POLRMT: variants seen among roughly 807,000 people sequenced by gnomAD.
POLRMT encodes the protein RNA polymerase mitochondrial.
Under a neutral mutation model 132.2 loss-of-function variants are expected in POLRMT, and 114 were observed. The ratio of observed to expected loss-of-function variants is 0.86; its 90% CI spans 0.74 to 1.01. The LOEUF (loss-of-function observed/expected upper bound fraction) is 1.01. POLRMT is among the 50% of genes least tolerant of loss of function. The pLI is 0.00. For synonymous variants in POLRMT, 1,020 were observed against 773.4 expected (o/e 1.32, Z -5.29); for missense variants, 2,003 against 1,729.1 (o/e 1.16, Z -2.81).
chr19:617,438 C>T lies in POLRMT; in HGVS notation c.3624G>A (p.Leu1208=), dbSNP rs376410754. The change falls in exon 20 of 21, where the codon CTG becomes CTA. Residue 1208 remains leucine (L), a synonymous_variant. Transcript: ENST00000588649. Reference sequence around the variant, plus strand: ...GCCTACCTGGCTTGGGCACCGCCTGCAGTGTCTCCTTCAGCTGGCTGGCCT... The same window carrying T: ...GCCTACCTGGCTTGGGCACCGCCTGTAGTGTCTCCTTCAGCTGGCTGGCCT... ...ILEASQLKET[L]QAVPKPGAFD... 6 of 1,611,990 alleles carry T rather than the reference C, an allele frequency of 3.7e-6. No individual in the cohort carries two copies. Among genetic ancestry groups the T allele is most frequent in the South Asian group, 1.1e-5 (1 of 91,048 alleles).
intron 13 of POLRMT, 118 bp downstream of exon 13, chr19:619,468 C>G: frequency 7.0e-7 from 1 of 1,429,592 alleles, no homozygotes; most frequent in Non-Finnish European, 9.6e-7. Context: ...TAACAGGCAG[C>G]CAGTGGTCTG....
rs201030569 is a variant in POLRMT, at chr19:618,710, G to A, written c.3318C>T (p.Ile1106=). Residue 1106 remains isoleucine, a synonymous_variant, in exon 16 of 21, where the codon ATC becomes ATT. Transcript: ENST00000588649. ...AGCCCGGGCCCCCCACTCACCGGCTGATGTCTCCGTTGTGGGTGTAGGTGA... is the reference window on the plus strand; with the variant it reads ...AGCCCGGGCCCCCCACTCACCGGCTAATGTCTCCGTTGTGGGTGTAGGTGA... ...QSITYTHNGD[I]SRKPNTRKQK... is the part of the protein sequence containing the mutation. The A allele has an allele frequency of 1.0e-5, 16 of 1,607,814 alleles. No individual in the cohort carries two copies. In the African/African-American group the frequency reaches 1.1e-4, roughly 11 times the overall value.
Position 629,885 on chromosome 19 carries a change from G to A in POLRMT, c.477C>T (p.Arg159=). 11 of 1,611,732 alleles carry A rather than the reference G, an allele frequency of 6.8e-6. No individual in the cohort carries two copies. Among genetic ancestry groups the A allele is most frequent in the Non-Finnish European group, 9.3e-6 (11 of 1,179,248 alleles). Residue 159 remains arginine (R), a synonymous_variant, in exon 3 of 21, where the codon CGC becomes CGT. Coordinates refer to ENST00000588649, the MANE Select transcript of POLRMT (RefSeq NM_005035.4). ...TCAGGAGCCGGGGCTCCACCTGCAG[G>A]CGCCTGGTCAGCGCCTTGAACTCCC... ...QSGEFKALTR[R]LQVEPRLLSK...
chr19:632,709 C>T (rs1985511225), intron 2 of POLRMT, 125 bp downstream of exon 2: 7 of 728,440 alleles, frequency 9.6e-6, no homozygotes, highest in Non-Finnish European at 1.5e-5. Flanking sequence ...GCCGTCTGGG[C>T]GTGTCCTGGG....
chr19:629,665 A>C lies in POLRMT; in HGVS notation c.697T>G (p.Cys233Gly). 1.2e-6 allele frequency: 2 copies of C among 1,610,254 alleles called. No homozygotes were observed. The highest frequency in any genetic ancestry group is 1.7e-6 in the Non-Finnish European group (2 of 1,179,440). ...QQRLLAFFKC[C>G]LLTDQLPLAH... The stretch of plus-strand genomic sequence containing the variant: ...AGGGGCAGCTGGTCAGTGAGCAGGC[A>C]GCACTTGAAGAAGGCCAGGAGCCTC... The change falls in exon 3 of 21, where the codon TGC (cysteine) becomes GGC (glycine). Residue 233 changes from cysteine to glycine, a missense_variant. By Grantham distance (159) the Cys-to-Gly change is radical. Transcript: ENST00000588649.
In POLRMT at chr19:617,255, T is replaced by A. The variant is rs979721268; in HGVS notation, c.*19A>T. ...TGGCAAAAGAGCTTTATTTACACAC[T>A]GACAAGGCTCACGGGGTGTCAGCTG... is the stretch of plus-strand genomic sequence containing the variant. On this transcript the variant is annotated 3_prime_UTR_variant, in exon 21 of 21. Transcript: ENST00000588649. 2 of 1,612,364 alleles carry A rather than the reference T, an allele frequency of 1.2e-6. No individual in the cohort carries two copies. Among genetic ancestry groups the A allele is most frequent in the Non-Finnish European group, 1.7e-6 (2 of 1,179,708 alleles).
At chr19:619,440 C>G in intron 13 of POLRMT, 144 bp from the exon 14 acceptor site, 1 of 1,362,062 alleles carries the variant, frequency 7.3e-7, no homozygotes, top group Non-Finnish European at 1.0e-6. Context: ...ACGCAGTCAG[C>G]AAGAAACGCC....
chr19:620,175 G>C (rs114668165), intron 11 of POLRMT, 95 bp from the exon 12 acceptor site: 5 of 1,498,174 alleles, frequency 3.3e-6, no homozygotes, highest in Admixed American at 4.1e-5. Context: ...TCCTAGGGCC[G>C]TGCACCCCCC....
chr19:621,289 G>A lies in POLRMT; in HGVS notation c.2409C>T (p.Arg803=), dbSNP rs573161095. ...VFWLPHNMDF[R]GRTYPCPPHF... is the part of the protein sequence containing the mutation. Reference sequence around the variant, plus strand: ...GCGGCGGGCAGGGGTAGGTGCGGCCGCGGAAGTCCATGTTGTGCGGCAGCC... The same window carrying A: ...GCGGCGGGCAGGGGTAGGTGCGGCCACGGAAGTCCATGTTGTGCGGCAGCC... The change falls in exon 10 of 21, where the codon CGC becomes CGT. Residue 803 remains arginine, a synonymous_variant. Coordinates refer to ENST00000588649, the MANE Select transcript of POLRMT (RefSeq NM_005035.4). 1.2e-4 allele frequency: 187 copies of A among 1,604,126 alleles called. No homozygotes were observed. Among genetic ancestry groups the A allele is most frequent in the Middle Eastern group, 2.1e-4 (1 of 4,828 alleles).
rs760259302 is a variant in POLRMT, at chr19:617,644, C to T, written c.3507G>A (p.Glu1169=). The change falls in exon 19 of 21, where the codon GAG becomes GAA. Residue 1169 remains glutamate, a synonymous_variant. Transcript: ENST00000588649. ...DVSVMNQVCR[E]QFVRLHSEPI... is the part of the protein sequence containing the mutation. ...GCTCGCTGTGCAAGCGGACAAACTG[C>T]TCCCGGCACACCTGGGCAGGAGTCA... 5.6e-6 allele frequency: 9 copies of T among 1,612,412 alleles called. No individual in the cohort carries two copies. Among genetic ancestry groups the T allele is most frequent in the Non-Finnish European group, 7.6e-6 (9 of 1,179,990 alleles).
In POLRMT at chr19:619,769, C is replaced by A; in HGVS notation, c.2887-4G>T. 1 of 1,566,568 alleles carries A rather than the reference C, an allele frequency of 6.4e-7. No individual in the cohort carries two copies. The highest frequency in any genetic ancestry group is 8.6e-7 in the Non-Finnish European group (1 of 1,156,086). On this transcript the variant is annotated splice_region_variant and splice_polypyrimidine_tract_variant and intron_variant, in intron 12 of 20. Coordinates refer to ENST00000588649, the MANE Select transcript of POLRMT (RefSeq NM_005035.4). ...CCTGCCTACGGAACACCTCCACCTGCACGGCGGGTGGGCCGGGGGCGCGGG... is the reference window on the plus strand; with the variant it reads ...CCTGCCTACGGAACACCTCCACCTGAACGGCGGGTGGGCCGGGGGCGCGGG...
intron 1 of POLRMT, 171 bp downstream of exon 1, chr19:633,254 G>A (rs370973815): frequency 9.8e-6 from 8 of 814,094 alleles, no homozygotes; most frequent in Non-Finnish European, 1.4e-5. Context: ...ACTGCACGGA[G>A]GAGCCTCAGT....
At chr19:621,035 G>A (rs750052103) in intron 10 of POLRMT, 23 bp downstream of exon 10, 4 of 1,527,298 alleles carry the variant, frequency 2.6e-6, no homozygotes, top group East Asian at 2.6e-5. Flanking sequence ...GGAGGGCGGG[G>A]AATGCGGGGG....
Position 623,683 on chromosome 19 carries a change from C to T in POLRMT, c.1141-80G>A, listed in dbSNP as rs879100343. 8.6e-6 allele frequency: 13 copies of T among 1,510,078 alleles called. No homozygotes were observed. In the South Asian group the frequency reaches 9.2e-5, roughly 11 times the overall value. The allele number at this position is 1,510,078 out of a possible 1,614,324, so 93.5% of individuals were successfully genotyped here. On this transcript the variant is annotated intron_variant, in intron 5 of 20. Coordinates refer to ENST00000588649, the MANE Select transcript of POLRMT (RefSeq NM_005035.4). ...CCAGGACCCCGAGACAGCATGGGTG[C>T]ACGCGTTTCTGCGTCTCCTGCAAGT...
Position 617,624 on chromosome 19 carries a change from C to T in POLRMT, c.3527G>A (p.Ser1176Asn). Reference protein sequence around the residue: ...VCREQFVRLHSEPILQDLSRF... With the variant: ...VCREQFVRLHNEPILQDLSRF... ...GGACAGGTCCTGCAGGATGGGCTCG[C>T]TGTGCAAGCGGACAAACTGCTCCCG... is the stretch of plus-strand genomic sequence containing the variant. Residue 1176 changes from serine (S) to asparagine (N), a missense_variant, in exon 19 of 21, where the codon AGC (serine) becomes AAC (asparagine). Ser to Asn is a conservative substitution (Grantham distance 46). Transcript: ENST00000588649. 4.3e-6 allele frequency: 7 copies of T among 1,612,440 alleles called. No homozygotes were observed. The highest frequency in any genetic ancestry group is 5.9e-6 in the Non-Finnish European group (7 of 1,179,978).
intron 3 of POLRMT, among the ~76,000 whole-genome samples, chr19:626,909 ATATATAAAAT>A (rs1985064046): frequency 6.7e-6 from 1 of 150,312 alleles, no homozygotes; most frequent in Admixed American, 6.6e-5. Context: ...ATATATATAT[ATATATAAAAT>A]AACATATATA....
intron 17 of POLRMT, chr19:618,274 G>C: frequency 1.8e-6 from 1 of 567,890 alleles, no homozygotes; most frequent in East Asian, 2.9e-5. Context: ...GCCCATGCTC[G>C]GCTCTCCCTG....
chr19:625,721 A>G (rs796536871), intron 3 of POLRMT, among the ~76,000 whole-genome samples: 6 of 152,286 alleles, frequency 3.9e-5, no homozygotes, highest in African/African-American at 1.4e-4. Context: ...TTTCCCCCCA[A>G]GATGGAGTCT....
At chr19:620,637 G>A (rs950985512) in intron 10 of POLRMT, 150 bp from the exon 11 acceptor site, 12 of 1,028,960 alleles carry the variant, frequency 1.2e-5, no homozygotes, top group Admixed American at 9.7e-5. Context: ...ACGGGGCGGT[G>A]GCTGGATGAG....
Sources: gnomAD v4.1 joint callset for allele counts (sites outside exome capture counted in the v4.1 genomes callset) on GRCh38, gnomAD v4.1.1 for gene constraint, MANE v1.5 for transcripts, NCBI Gene and HGNC (gene_info 2026-07-23, HGNC 2026-07-21) for gene names.